Variants in ERC2 observed in about 807,000 individuals in gnomAD.
The protein encoded by ERC2 is ELKS/RAB6-interacting/CAST family member 2, also known as ERC protein 2.
Under a neutral mutation model 114.8 loss-of-function variants are expected in ERC2, and 42 were observed. The ratio of observed to expected loss-of-function variants is 0.37; its 90% confidence interval spans 0.29 to 0.47. The LOEUF is 0.47. Among genes scored for constraint, ERC2 ranks in the 20% least tolerant of loss-of-function variants. ERC2 has a pLI of 0.99. For synonymous variants in ERC2, 454 were observed against 425.5 expected (o/e 1.07, Z -0.82); for missense variants, 939 against 1,150.7 (o/e 0.82, Z 2.66).
chr3:55,834,771 T>G (rs2060792398), intron 14 of ERC2, among the ~76,000 whole-genome samples: 1 of 125,804 alleles, frequency 7.9e-6, no homozygotes, highest in African/African-American at 4.1e-5. Context: ...ACAGCAGAAC[T>G]GAAGGAAATA....
intron 3 of ERC2, among the ~76,000 whole-genome samples, chr3:56,189,258 G>C (rs1254737640): frequency 6.6e-6 from 1 of 152,214 alleles, no homozygotes; most frequent in Non-Finnish European, 1.5e-5. Context: ...CCAGACCACT[G>C]CTCTCTTCTA....
intron 17 of ERC2, among the ~76,000 whole-genome samples, chr3:55,520,913 T>C (rs2052882715): frequency 6.6e-6 from 1 of 152,182 alleles, no homozygotes; most frequent in Non-Finnish European, 1.5e-5. Context: ...AAAGCTGTCA[T>C]GTTCGGGAAA....
rs572492858 is a variant in ERC2, at chr3:56,428,380, G to A, written c.657+5971C>T. On this transcript the variant is annotated intron_variant, in intron 2 of 17. Transcript: ENST00000288221. ...TACTAAAAATACAAAAATCAGCCGC[G>A]CGTGCTGGTACACACCTGTAGTCCC... Among the ~76,000 whole-genome samples the A allele has an allele frequency of 3.6e-4, 54 of 152,016 alleles. 1 individual carries two copies. The highest frequency in any genetic ancestry group is 3.4e-3 in the Middle Eastern group (1 of 294).
chr3:55,834,563 G>A (rs1164362110), intron 14 of ERC2, among the ~76,000 whole-genome samples: 3 of 151,396 alleles, frequency 2.0e-5, no homozygotes, highest in Admixed American at 2.0e-4. Context: ...TGAAACCAAC[G>A]AGAACAAAGA....
intron 13 of ERC2, among the ~76,000 whole-genome samples, chr3:55,950,125 CTA>C (rs1238157997): frequency 6.6e-6 from 1 of 152,174 alleles, no homozygotes; most frequent in Non-Finnish European, 1.5e-5. Context: ...GAAGACATTT[CTA>C]TGTTTTAAGT....
intron 14 of ERC2, among the ~76,000 whole-genome samples, chr3:55,810,489 G>A (rs1553686872): frequency 7.1e-6 from 1 of 141,196 alleles, no homozygotes. Context: ...TTGAGACGGA[G>A]TTTTGGTCTT....
chr3:56,204,922 C>CTGTG (rs58831473), intron 3 of ERC2, among the ~76,000 whole-genome samples: 4,507 of 149,976 alleles, frequency 0.03, 223 homozygotes, highest in African/African-American at 0.1. Context: ...TGGGACGTGT[C>CTGTG]TGTGTGTGTG....
intron 14 of ERC2, among the ~76,000 whole-genome samples, chr3:55,843,451 T>C (rs1034743534): frequency 6.6e-6 from 1 of 152,208 alleles, no homozygotes; most frequent in Admixed American, 6.5e-5. Flanking sequence ...ATGATATTGA[T>C]AGAAAGGAGA....
At chr3:56,068,179 T>G (rs992354531) in intron 7 of ERC2, among the ~76,000 whole-genome samples, 2 of 152,212 alleles carry the variant, frequency 1.3e-5, no homozygotes, top group African/African-American at 4.8e-5. Context: ...GGGCTTTTTT[T>G]GGTTGGCGGG....
At chr3:56,127,424 T>C (rs2079939133) in intron 6 of ERC2, among the ~76,000 whole-genome samples, 1 of 152,078 alleles carries the variant, frequency 6.6e-6, no homozygotes, top group African/African-American at 2.4e-5. Context: ...AAGTATACTA[T>C]AAAGCTATAG....
intron 14 of ERC2, among the ~76,000 whole-genome samples, chr3:55,861,005 A>C (rs1238193600): frequency 1.3e-5 from 2 of 152,198 alleles, no homozygotes; most frequent in Non-Finnish European, 2.9e-5. Context: ...CCAAAAAACT[A>C]ATTTCCCCCA....
intron 7 of ERC2, among the ~76,000 whole-genome samples, chr3:56,034,469 A>G (rs1464015767): frequency 6.6e-6 from 1 of 152,186 alleles, no homozygotes; most frequent in Admixed American, 6.5e-5. Flanking sequence ...CTGAATAACA[A>G]TATAGACCAA....
intron 3 of ERC2, among the ~76,000 whole-genome samples, chr3:56,207,575 A>T (rs1267805199): frequency 6.6e-6 from 1 of 152,188 alleles, no homozygotes; most frequent in African/African-American, 2.4e-5. Context: ...TCACAGGCTT[A>T]AAGATAATTA....
intron 3 of ERC2, among the ~76,000 whole-genome samples, chr3:56,216,990 C>T (rs1350410032): frequency 6.6e-6 from 1 of 152,154 alleles, no homozygotes; most frequent in Non-Finnish European, 1.5e-5. Flanking sequence ...TGGGACGTAT[C>T]TCAAAATAAC....
intron 17 of ERC2, among the ~76,000 whole-genome samples, chr3:55,588,884 G>A (rs1466891118): frequency 1.3e-5 from 2 of 152,040 alleles, no homozygotes; most frequent in Non-Finnish European, 2.9e-5. Context: ...TCGAGTGTGT[G>A]GGAACACTCG....
At chr3:56,216,535 C>T (rs200539490) in intron 3 of ERC2, among the ~76,000 whole-genome samples, 2 of 152,252 alleles carry the variant, frequency 1.3e-5, no homozygotes, top group South Asian at 2.1e-4. Context: ...CAGAACCAGA[C>T]AGATTCACAG....
At chr3:56,210,902 GT>G (rs1192255035) in intron 3 of ERC2, among the ~76,000 whole-genome samples, 1 of 152,064 alleles carries the variant, frequency 6.6e-6, no homozygotes, top group Non-Finnish European at 1.5e-5. Flanking sequence ...TTTTACAGAA[GT>G]TGAAACAAGA....
chr3:56,026,738 C>T (rs1157014732), intron 7 of ERC2, among the ~76,000 whole-genome samples: 1 of 152,146 alleles, frequency 6.6e-6, no homozygotes. Flanking sequence ...TAGTAAAATA[C>T]TATAACCAGG....
chr3:55,955,107 G>T, intron 12 of ERC2: 1 of 509,194 alleles, frequency 2.0e-6, no homozygotes, highest in East Asian at 5.5e-5. Flanking sequence ...ATGCCTATTT[G>T]GATGTATATA....
Sources: allele counts gnomAD v4.1 joint callset (sites outside exome capture counted in the v4.1 genomes callset), GRCh38; gene constraint gnomAD v4.1.1; transcripts MANE v1.5; gene names NCBI Gene and HGNC (gene_info 2026-07-23, HGNC 2026-07-21).